LDLRAD4: variants seen among roughly 807,000 people sequenced by gnomAD.
LDLRAD4 encodes the protein low-density lipoprotein receptor class A domain-containing protein 4.
Under a neutral mutation model 17.0 loss-of-function variants are expected in LDLRAD4, and 5 were observed. The ratio of observed to expected loss-of-function variants is 0.29; its 90% CI spans 0.15 to 0.62. LDLRAD4 has a LOEUF of 0.62. Among genes scored for constraint, LDLRAD4 ranks in the 20% least tolerant of loss-of-function variants. The pLI is 0.84. For missense variants in LDLRAD4, 340 were observed against 424.7 expected (o/e 0.80, Z 1.75); for synonymous variants, 168 against 171.8 (o/e 0.98, Z 0.17).
Position 13,580,170 on chromosome 18 carries a change from G to A in LDLRAD4, c.182-40947G>A, listed in dbSNP as rs115848242. ...CTTCCTGTGTTTTATTCTGTGCCTC[G>A]TGCATACTGTGCACACTCCCTGCTC... On this transcript the variant is annotated intron_variant, in intron 3 of 5. Transcript: ENST00000359446. Among the ~76,000 whole-genome samples the A allele has an allele frequency of 1.9e-3, 290 of 152,090 alleles. 2 individuals carry two copies. The highest frequency in any genetic ancestry group is 6.8e-3 in the African/African-American group (280 of 41,472).
chr18:13,220,685 CAGTTTGGGACTGTGCTGT>C (rs1461069941), intron 1 of LDLRAD4, among the ~76,000 whole-genome samples: 2 of 152,230 alleles, frequency 1.3e-5, no homozygotes, highest in African/African-American at 4.8e-5. Context: ...GAGGTGTTTA[CAGTTTGGGACTGTGCTGT>C]AGTCTTGGTT....
intron 3 of LDLRAD4, chr18:13,526,086 CCTGTGGGAATTTTATG>C (rs1172462736): frequency 5.3e-5 from 8 of 152,120 alleles, no homozygotes; most frequent in African/African-American, 1.9e-4. Flanking sequence ...GAGCTAATTT[CCTGTGGGAATTTTATG>C]GCACTGTTAT....
At chr18:13,594,665 C>CAAAAAAAAAAAAAAAAAAAAAA (rs56035558) in intron 3 of LDLRAD4, among the ~76,000 whole-genome samples, 5 of 29,606 alleles carry the variant, frequency 1.7e-4, no homozygotes, top group East Asian at 9.6e-4. Context: ...GATTCCATCT[C>CAAAAAAAAAAAAAAAAAAAAAA]AAAAAAAAAA....
chr18:13,479,614 C>A (rs1176874577), intron 3 of LDLRAD4, among the ~76,000 whole-genome samples: 1 of 148,204 alleles, frequency 6.7e-6, no homozygotes, highest in East Asian at 2.0e-4. Context: ...GAGTGAGACT[C>A]CATCTAAAAA....
At chr18:13,476,736 A>G (rs908570371) in intron 3 of LDLRAD4, among the ~76,000 whole-genome samples, 1 of 152,160 alleles carries the variant, frequency 6.6e-6, no homozygotes, top group Admixed American at 6.5e-5. Context: ...CACAGAGGCC[A>G]AGAGCCTCTG....
Position 13,645,706 on chromosome 18 carries a change from C to T in LDLRAD4, c.*49C>T, listed in dbSNP as rs576618767. Reference sequence around the variant, plus strand: ...TGGAGAAAGAAACCAAGAAGGGAAGCGGCCGCTGGGCCCCTCCTGCGCACA... The same window carrying T: ...TGGAGAAAGAAACCAAGAAGGGAAGTGGCCGCTGGGCCCCTCCTGCGCACA... On this transcript the variant is annotated 3_prime_UTR_variant, in exon 6 of 6. Coordinates refer to ENST00000359446, the Ensembl canonical transcript of LDLRAD4. This position sits in a 1 kb window ranked among gnomAD's most constrained non-coding sequence, Gnocchi z 5.7. 54 of 1,432,306 alleles carry T rather than the reference C, an allele frequency of 3.8e-5. No individual in the cohort carries two copies. In the Admixed American group the frequency reaches 3.9e-4, roughly 10 times the overall value. The allele number at this position is 1,432,306 out of a possible 1,614,324, so 88.7% of individuals were successfully genotyped here. A position where few individuals can be genotyped will look rare whatever the true frequency, so the allele number is the denominator to read the frequency against.
chr18:13,526,931 C>T (rs114697439), intron 3 of LDLRAD4, among the ~76,000 whole-genome samples: 3 of 152,160 alleles, frequency 2.0e-5, no homozygotes, highest in Admixed American at 6.5e-5. Context: ...TGAGTGGTGT[C>T]CTGGCCCCTT....
intron 3 of LDLRAD4, among the ~76,000 whole-genome samples, chr18:13,476,199 G>T (rs767170398): frequency 1.8e-4 from 27 of 152,206 alleles, no homozygotes; most frequent in Non-Finnish European, 3.7e-4. Context: ...GCAAAGTCAC[G>T]TTCAGGGGTC....
intron 2 of LDLRAD4, among the ~76,000 whole-genome samples, chr18:13,425,357 A>G (rs1568132528): frequency 6.6e-6 from 1 of 152,182 alleles, no homozygotes; most frequent in Non-Finnish European, 1.5e-5. Context: ...ATTTACTTTC[A>G]GTGTGCATTT....
intron 2 of LDLRAD4, among the ~76,000 whole-genome samples, chr18:13,392,150 G>T (rs887798585): frequency 6.6e-6 from 1 of 152,236 alleles, no homozygotes; most frequent in African/African-American, 2.4e-5. Flanking sequence ...TGCTGAAACT[G>T]GTTTCCTTCT....
intron 3 of LDLRAD4, chr18:13,615,386 A>G (rs2039982568): frequency 6.6e-6 from 1 of 152,348 alleles, no homozygotes; most frequent in Admixed American, 6.5e-5. Flanking sequence ...TTAGTGGAGG[A>G]AAGACCAAAT....
chr18:13,218,144 T>A (rs892074347), upstream of LDLRAD4: 36 of 152,346 alleles, frequency 2.4e-4, no homozygotes, highest in African/African-American at 8.7e-4. Context: ...CTGGCCCAAG[T>A]TCACCGCTGC....
chr18:13,472,974 AT>A (rs572460704), intron 3 of LDLRAD4, among the ~76,000 whole-genome samples: 3 of 152,316 alleles, frequency 2.0e-5, no homozygotes, highest in African/African-American at 7.2e-5. Flanking sequence ...TCAGTATGTC[AT>A]TATCATTCTC....
intron 1 of LDLRAD4, among the ~76,000 whole-genome samples, chr18:13,375,845 C>G (rs144281670): frequency 1.1e-4 from 17 of 152,242 alleles, no homozygotes; most frequent in Middle Eastern, 3.4e-3. Context: ...CCTTGCTCTT[C>G]AACACTGGTC....
chr18:13,328,785 A>G (rs903719875), intron 1 of LDLRAD4, among the ~76,000 whole-genome samples: 1 of 152,184 alleles, frequency 6.6e-6, no homozygotes, highest in Non-Finnish European at 1.5e-5. Flanking sequence ...TTTCCCTCCT[A>G]TGCCTATTCT....
chr18:13,606,480 TCA>T (rs2095225755), intron 3 of LDLRAD4, among the ~76,000 whole-genome samples: 1 of 152,192 alleles, frequency 6.6e-6, no homozygotes, highest in Admixed American at 6.5e-5. Flanking sequence ...CTCCATGGGG[TCA>T]CACACTTTTA....
At position 13,504,941 on chromosome 18, in the gene LDLRAD4, G is replaced by A. The variant is rs59216106; in HGVS notation, c.181+66557G>A. ...ACTAGAGGACACATGCACCGACGAGGGGTGGATGGAGAGGGTGGCTTGAGT... is the reference window on the plus strand; with the variant it reads ...ACTAGAGGACACATGCACCGACGAGAGGTGGATGGAGAGGGTGGCTTGAGT... On this transcript the variant is annotated intron_variant, in intron 3 of 5. Coordinates refer to ENST00000359446, the Ensembl canonical transcript of LDLRAD4. Among the ~76,000 whole-genome samples the A allele has an allele frequency of 7.2e-3, 1,096 of 152,246 alleles. 17 individuals are homozygous for A. The highest frequency in any genetic ancestry group is 0.025 in the African/African-American group (1,025 of 41,538).
At chr18:13,348,167 GT>G (rs1417664822) in intron 1 of LDLRAD4, among the ~76,000 whole-genome samples, 1 of 152,152 alleles carries the variant, frequency 6.6e-6, no homozygotes, top group Non-Finnish European at 1.5e-5. Context: ...AGAATTTTCA[GT>G]TTTTCTGCTC....
chr18:13,244,651 C>T (rs2042869496), intron 1 of LDLRAD4, among the ~76,000 whole-genome samples: 1 of 152,152 alleles, frequency 6.6e-6, no homozygotes, highest in Non-Finnish European at 1.5e-5. Flanking sequence ...TACGTTTACA[C>T]CTGCAAGTGT....
Sources: allele counts gnomAD v4.1 joint callset (sites outside exome capture counted in the v4.1 genomes callset), GRCh38; gene constraint gnomAD v4.1.1; non-coding constraint Gnocchi (gnomAD v3.1); transcripts MANE v1.5; gene names NCBI Gene and HGNC (gene_info 2026-07-23, HGNC 2026-07-21).